KYNU: variants seen among roughly 807,000 people sequenced by gnomAD.
KYNU encodes L-kynurenine hydrolase.
Under a neutral mutation model 59.2 loss-of-function variants are expected in KYNU, and 54 were observed. The ratio of observed to expected loss-of-function variants is 0.91; its 90% CI spans 0.73 to 1.14. The LOEUF is 1.14. KYNU is among the 50% of genes most tolerant of loss of function. The pLI, the probability that KYNU is intolerant of heterozygous loss-of-function variation, is 0.00. For missense variants in KYNU, 567 were observed against 554.4 expected (o/e 1.02, Z -0.23); for synonymous variants, 177 against 192.0 (o/e 0.92, Z 0.65).
At chr2:143,032,601 GA>G (rs765373084) in intron 11 of KYNU, among the ~76,000 whole-genome samples, 2 of 152,054 alleles carry the variant, frequency 1.3e-5, no homozygotes, top group Non-Finnish European at 2.9e-5. Context: ...TAACCCTATT[GA>G]ATTTAACTTG....
intron 4 of KYNU, among the ~76,000 whole-genome samples, chr2:142,942,743 G>T (rs181808507): frequency 6.6e-6 from 1 of 152,240 alleles, no homozygotes; most frequent in African/African-American, 2.4e-5. Context: ...CAACTTGAGA[G>T]ATCAAGTGCA....
rs1018334201 is a variant in KYNU, at chr2:143,042,814, G to A, written c.*642G>A. 2 of 151,272 alleles carry A rather than the reference G, an allele frequency of 1.3e-5. No homozygotes were observed. The highest frequency in any genetic ancestry group is 4.9e-5 in the African/African-American group (2 of 41,166). 9.4% of individuals were successfully genotyped at this position (151,272 alleles called of 1,614,324 possible). ...TATTTTATCATATTTTAACATCTTTGAAAGAGGACCCATCTTTCAATTTTC... is the reference window on the plus strand; with the variant it reads ...TATTTTATCATATTTTAACATCTTTAAAAGAGGACCCATCTTTCAATTTTC... On this transcript the variant is annotated 3_prime_UTR_variant, in exon 14 of 14. Transcript: ENST00000264170.
chr2:142,948,420 A>C (rs771022849), intron 4 of KYNU, among the ~76,000 whole-genome samples: 2 of 152,192 alleles, frequency 1.3e-5, no homozygotes, highest in Non-Finnish European at 2.9e-5. Context: ...GTCTGTTTTT[A>C]GCCACTGATG....
chr2:142,932,769 C>T (rs181372367), intron 4 of KYNU, among the ~76,000 whole-genome samples: 1,096 of 99,068 alleles, frequency 0.011, 4 homozygotes, highest in African/African-American at 0.038. Flanking sequence ...GGGCGGGGGG[C>T]GGGGGACACT....
chr2:143,020,389 TG>T (rs1686370482), intron 10 of KYNU, among the ~76,000 whole-genome samples: 3 of 152,172 alleles, frequency 2.0e-5, no homozygotes, highest in Admixed American at 2.0e-4. Context: ...ATTGACTCAC[TG>T]GTTGTTCAGG....
chr2:142,914,891 G>A (rs1279759012), intron 2 of KYNU, among the ~76,000 whole-genome samples: 2 of 152,162 alleles, frequency 1.3e-5, no homozygotes, highest in Non-Finnish European at 2.9e-5. Flanking sequence ...CATGTTTGGT[G>A]GACCCAGTTT....
At chr2:142,940,852 G>T (rs1056284621) in intron 4 of KYNU, among the ~76,000 whole-genome samples, 6 of 152,146 alleles carry the variant, frequency 3.9e-5, no homozygotes, top group African/African-American at 1.4e-4. Context: ...CCCTTTGCAG[G>T]CTCCATAATT....
chr2:143,001,859 C>G (rs1685715894), intron 10 of KYNU, among the ~76,000 whole-genome samples: 1 of 152,098 alleles, frequency 6.6e-6, no homozygotes, highest in Non-Finnish European at 1.5e-5. Context: ...ATGACTATGC[C>G]CATTTCCCAG....
rs115356527 is a variant in KYNU, at chr2:142,880,194, A to G, written c.-20+2458A>G. 7.6e-3 allele frequency among the ~76,000 whole-genome samples: 1,159 copies of G among 152,358 alleles called. 7 individuals are homozygous for G. The highest frequency in any genetic ancestry group is 0.027 in the African/African-American group (1,111 of 41,576). On this transcript the variant is annotated intron_variant, in intron 1 of 13. Transcript: ENST00000264170. ...AAACATGATTCAGGCCCCCAGGTAGAGTTCAGTTCAGTAGGGTAGAACAGC... is the reference window on the plus strand; with the variant it reads ...AAACATGATTCAGGCCCCCAGGTAGGGTTCAGTTCAGTAGGGTAGAACAGC...
chr2:143,002,238 T>A (rs1685725817), intron 10 of KYNU, among the ~76,000 whole-genome samples: 2 of 152,240 alleles, frequency 1.3e-5, no homozygotes. Context: ...GGAAATTCTT[T>A]CTTTGTAAAC....
rs149148972 is a variant in KYNU at position 142,888,729 on chromosome 2, C to T, written c.169+3193C>T. ...TTAATTCCCCTTCTTACTATTCTCA[C>T]GCCAGTTGCATCTTAATGTCTAAGG... On this transcript the variant is annotated intron_variant, in intron 2 of 13. Transcript: ENST00000264170. 4.2e-4 allele frequency among the ~76,000 whole-genome samples: 64 copies of T among 151,668 alleles called. No individual in the cohort carries two copies. In the East Asian group the frequency reaches 5.0e-3, roughly 12 times the overall value.
intron 10 of KYNU, among the ~76,000 whole-genome samples, chr2:143,014,840 T>TG (rs1686205688): frequency 6.6e-6 from 1 of 152,228 alleles, no homozygotes; most frequent in South Asian, 2.1e-4. Context: ...TGAGATTTAA[T>TG]ATAACATAGA....
At chr2:142,925,786 C>T (rs1466064288) in intron 3 of KYNU, among the ~76,000 whole-genome samples, 6 of 152,158 alleles carry the variant, frequency 3.9e-5, no homozygotes, top group Non-Finnish European at 5.9e-5. Context: ...TCTGGTCTTA[C>T]CACCCCTTTT....
At chr2:142,920,061 A>G (rs1176193997) in intron 3 of KYNU, among the ~76,000 whole-genome samples, 4 of 151,956 alleles carry the variant, frequency 2.6e-5, no homozygotes, top group African/African-American at 9.7e-5. Context: ...CTCTGCTTCA[A>G]TAAAATAAAT....
At chr2:143,037,403 C>G (rs1046587186) in intron 12 of KYNU, among the ~76,000 whole-genome samples, 3 of 152,128 alleles carry the variant, frequency 2.0e-5, no homozygotes, top group African/African-American at 4.8e-5. Flanking sequence ...TATTTAGTCC[C>G]TTTCAGTATT....
intron 10 of KYNU, chr2:142,989,456 T>C (rs1685325288): frequency 1.2e-5 from 12 of 985,084 alleles, no homozygotes; most frequent in Non-Finnish European, 1.4e-5. Flanking sequence ...GATGTCACAC[T>C]TTGTGAAGTA....
intron 10 of KYNU, among the ~76,000 whole-genome samples, chr2:143,018,149 G>C (rs1027931296): frequency 6.6e-6 from 1 of 152,014 alleles, no homozygotes; most frequent in Non-Finnish European, 1.5e-5. Context: ...GTTTAATTAG[G>C]TCTCACTTGT....
intron 4 of KYNU, among the ~76,000 whole-genome samples, chr2:142,929,007 C>CAAAAAAAAAAA (rs761809423): frequency 2.3e-4 from 11 of 48,430 alleles, no homozygotes; most frequent in East Asian, 6.6e-4. Context: ...CACCCTGTCT[C>CAAAAAAAAAAA]AAAAAAAAAA....
At chr2:142,960,977 G>A (rs1304643499) in intron 8 of KYNU, among the ~76,000 whole-genome samples, 5 of 151,238 alleles carry the variant, frequency 3.3e-5, no homozygotes, top group Admixed American at 3.3e-4. Context: ...GGGGGATCAC[G>A]AGGTCAGGAG....
Sources: gnomAD v4.1 joint callset for allele counts (sites outside exome capture counted in the v4.1 genomes callset) on GRCh38, gnomAD v4.1.1 for gene constraint, MANE v1.5 for transcripts, NCBI Gene and HGNC (gene_info 2026-07-23, HGNC 2026-07-21) for gene names.